Variants in ZNF521 observed in about 807,000 individuals in gnomAD.
The protein encoded by ZNF521 is LYST-interacting protein 3.
In ZNF521, 14 loss-of-function variants were observed where a neutral mutation model predicts 105.5. That is an observed-to-expected ratio of 0.13 (90% confidence interval 0.09 to 0.21). The LOEUF is 0.21. ZNF521 is among the 10% of genes least tolerant of loss of function. ZNF521 has a pLI of 1.00. For missense variants in ZNF521, 1,233 were observed against 1,629.7 expected (o/e 0.76, Z 4.19); for synonymous variants, 635 against 606.0 (o/e 1.05, Z -0.70).
intron 7 of ZNF521, among the ~76,000 whole-genome samples, chr18:25,068,145 T>A (rs1298826982): frequency 6.6e-6 from 1 of 152,228 alleles, no homozygotes; most frequent in Non-Finnish European, 1.5e-5. Flanking sequence ...GTTTTCTAAC[T>A]AGATGAAATA....
chr18:25,333,668 T>A (rs1170933152), intron 2 of ZNF521, among the ~76,000 whole-genome samples: 4 of 152,138 alleles, frequency 2.6e-5, no homozygotes, highest in African/African-American at 9.7e-5. Context: ...AACCTATCCC[T>A]GCAATGGGTA....
intron 2 of ZNF521, among the ~76,000 whole-genome samples, chr18:25,338,256 C>CTTTTTT (rs1219738874): frequency 5.3e-4 from 17 of 32,270 alleles, no homozygotes; most frequent in African/African-American, 1.4e-3. Context: ...CTCTCATAGA[C>CTTTTTT]TTTTGTGTGT....
chr18:25,069,583 G>A (rs2033163530), intron 7 of ZNF521, among the ~76,000 whole-genome samples: 2 of 152,104 alleles, frequency 1.3e-5, no homozygotes, highest in African/African-American at 4.8e-5. Context: ...AGGAAATCTG[G>A]GGTAATTGTG....
At chr18:25,088,035 T>G (rs969311604) in intron 7 of ZNF521, among the ~76,000 whole-genome samples, 2 of 152,130 alleles carry the variant, frequency 1.3e-5, no homozygotes, top group African/African-American at 4.8e-5. Context: ...CAATGTGGGA[T>G]GGAAGACTGA....
chr18:25,208,691 T>C (rs187574163), intron 4 of ZNF521, among the ~76,000 whole-genome samples: 1 of 152,324 alleles, frequency 6.6e-6, no homozygotes, highest in Non-Finnish European at 1.5e-5. Flanking sequence ...GCTTTTGCAA[T>C]ATTATTTTGT....
intron 5 of ZNF521, among the ~76,000 whole-genome samples, chr18:25,156,969 C>T (rs1204105615): frequency 3.9e-5 from 6 of 152,014 alleles, no homozygotes; most frequent in Admixed American, 1.3e-4. Context: ...GAGGCCGAGG[C>T]GGGCAGATCA....
At chr18:25,106,929 C>T (rs918510169) in intron 5 of ZNF521, among the ~76,000 whole-genome samples, 1 of 152,076 alleles carries the variant, frequency 6.6e-6, no homozygotes, top group African/African-American at 2.4e-5. Flanking sequence ...CAAACACAGA[C>T]CTCTACTACA....
chr18:25,174,077 C>CT (rs1324336719), intron 5 of ZNF521, among the ~76,000 whole-genome samples: 3 of 151,836 alleles, frequency 2.0e-5, no homozygotes, highest in Non-Finnish European at 1.5e-5. Context: ...AACTTGAATT[C>CT]TTTTTTTTAA....
intron 5 of ZNF521, among the ~76,000 whole-genome samples, chr18:25,105,784 A>C (rs2034060006): frequency 6.6e-6 from 1 of 152,158 alleles, no homozygotes; most frequent in Non-Finnish European, 1.5e-5. Context: ...TATCGGAGCA[A>C]ATTTTTAGTT....
rs370163547 is a variant in ZNF521, at chr18:25,269,187, AAAG to A, written c.221-41493_221-41491del. Among the ~76,000 whole-genome samples, 1,481 of 152,244 alleles carry A rather than the reference AAAG, an allele frequency of 9.7e-3. 28 individuals carry two copies. Among genetic ancestry groups the A allele is most frequent in the African/African-American group, 0.033 (1,390 of 41,510 alleles). ...TAAACCAACAAAGATCAAAAGAGAC[AAAG>A]AAGGGCATTACATAATCGTAAAGGA... On this transcript the variant is annotated intron_variant, in intron 3 of 7. Coordinates refer to ENST00000361524, the MANE Select transcript of ZNF521 (RefSeq NM_015461.3).
chr18:25,069,456 C>A (rs754344652), intron 7 of ZNF521, among the ~76,000 whole-genome samples: 7 of 152,144 alleles, frequency 4.6e-5, no homozygotes, highest in Non-Finnish European at 1.0e-4. Context: ...TGCTACGGCT[C>A]TGGGAGTACC....
intron 5 of ZNF521, among the ~76,000 whole-genome samples, chr18:25,193,859 T>C (rs2035858599): frequency 1.3e-5 from 2 of 151,956 alleles, no homozygotes; most frequent in African/African-American, 4.8e-5. Context: ...ATTTTAGCTG[T>C]TATGTATAAG....
intron 5 of ZNF521, among the ~76,000 whole-genome samples, chr18:25,113,080 C>A (rs2034227756): frequency 6.6e-6 from 1 of 151,432 alleles, no homozygotes; most frequent in African/African-American, 2.4e-5. Flanking sequence ...GGGGAAAGGG[C>A]CTGATTTGCA....
chr18:25,267,929 A>C (rs889430308), intron 3 of ZNF521, among the ~76,000 whole-genome samples: 2 of 152,226 alleles, frequency 1.3e-5, no homozygotes, highest in African/African-American at 2.4e-5. Flanking sequence ...ACAGAGAATG[A>C]GTTTCACAAA....
At chr18:25,097,206 C>A (rs2033870374) in intron 5 of ZNF521, among the ~76,000 whole-genome samples, 1 of 152,146 alleles carries the variant, frequency 6.6e-6, no homozygotes, top group Non-Finnish European at 1.5e-5. Context: ...GTATAATTTG[C>A]CATGCACACA....
chr18:25,080,613 G>A (rs1031052386), intron 7 of ZNF521, among the ~76,000 whole-genome samples: 1 of 152,254 alleles, frequency 6.6e-6, no homozygotes, highest in Admixed American at 6.5e-5. Flanking sequence ...CATTTCACCC[G>A]GCTGTCCGAG....
At chr18:25,190,266 G>C (rs972758428) in intron 5 of ZNF521, among the ~76,000 whole-genome samples, 2 of 151,792 alleles carry the variant, frequency 1.3e-5, no homozygotes, top group South Asian at 2.1e-4. Context: ...TTTAAAAAAG[G>C]GTTCAGTCAT....
chr18:25,144,612 T>C (rs2034908926), intron 5 of ZNF521, among the ~76,000 whole-genome samples: 1 of 151,902 alleles, frequency 6.6e-6, no homozygotes, highest in Admixed American at 6.6e-5. Flanking sequence ...CATTCCAGAG[T>C]GATAGAACAA....
chr18:25,077,854 G>T (rs1254512341), intron 7 of ZNF521, among the ~76,000 whole-genome samples: 3 of 152,096 alleles, frequency 2.0e-5, no homozygotes, highest in Admixed American at 6.5e-5. Flanking sequence ...AGAATTAAAG[G>T]TTAGCAACCA....
Sources: gnomAD v4.1 joint callset for allele counts (sites outside exome capture counted in the v4.1 genomes callset) on GRCh38, gnomAD v4.1.1 for gene constraint, MANE v1.5 for transcripts, NCBI Gene and HGNC (gene_info 2026-07-23, HGNC 2026-07-21) for gene names.